Variants in MLIP observed in about 807,000 individuals in gnomAD.
MLIP encodes muscular LMNA interacting protein.
A neutral mutation model predicts 84.8 loss-of-function variants in MLIP; 79 were observed. That is an observed-to-expected ratio of 0.93 (90% CI 0.78 to 1.12). MLIP has a LOEUF of 1.12. Among genes scored for constraint, MLIP ranks in the 50% most tolerant of loss-of-function variants. MLIP has a pLI of 0.00. For missense variants in MLIP, 1,257 were observed against 1,160.6 expected (o/e 1.08, Z -1.21); for synonymous variants, 504 against 463.0 (o/e 1.09, Z -1.14).
At chr6:54,047,822 G>A (rs958809845) in intron 1 of MLIP, among the ~76,000 whole-genome samples, 2 of 152,176 alleles carry the variant, frequency 1.3e-5, no homozygotes, top group Non-Finnish European at 2.9e-5. Flanking sequence ...AATCCTTACA[G>A]CAATGGCCAT....
At chr6:54,178,003 A>G (rs1042101811) in intron 9 of MLIP, among the ~76,000 whole-genome samples, 1 of 152,072 alleles carries the variant, frequency 6.6e-6, no homozygotes, top group Non-Finnish European at 1.5e-5. Flanking sequence ...ATAAGAACAC[A>G]TAGACACGGG....
In MLIP at chr6:54,138,199, A is replaced by G. The variant is rs1771989175; in HGVS notation, c.2130A>G (p.Ser710=). Residue 710 remains serine (S), a synonymous_variant, in exon 4 of 14, where the codon TCA becomes TCG. Transcript: ENST00000502396. ...ACAGGTCACCTGTTTCAACCCCATC[A>G]CTTCCCATATCTCTAACAAGGACAG... is the stretch of plus-strand genomic sequence containing the variant. The part of the protein sequence containing the change: ...PNHRSPVSTP[S]LPISLTRTEE... 6.5e-7 allele frequency: 1 copy of G among 1,535,914 alleles called. No individual in the cohort carries two copies. The highest frequency in any genetic ancestry group is 8.7e-7 in the Non-Finnish European group (1 of 1,146,848).
chr6:54,110,909 A>C (rs924775691), upstream of MLIP, among the ~76,000 whole-genome samples: 2 of 152,244 alleles, frequency 1.3e-5, no homozygotes, highest in African/African-American at 4.8e-5. Flanking sequence ...TGTTAATAAC[A>C]TAACTTCAGT....
chr6:54,241,703 A>G (rs1383562476), intron 12 of MLIP, among the ~76,000 whole-genome samples: 1 of 152,084 alleles, frequency 6.6e-6, no homozygotes, highest in African/African-American at 2.4e-5. Context: ...CTTATAATAC[A>G]TTTTACCTTT....
chr6:54,027,374 TACACAC>T (rs70980886), intron 1 of MLIP, among the ~76,000 whole-genome samples: 2,345 of 148,580 alleles, frequency 0.016, 73 homozygotes, highest in African/African-American at 0.045. Flanking sequence ...ATAAAAAAAA[TACACAC>T]ACACACACAC....
At chr6:54,122,935 CTT>C (rs543020753) in intron 2 of MLIP, among the ~76,000 whole-genome samples, 11 of 144,990 alleles carry the variant, frequency 7.6e-5, no homozygotes, top group African/African-American at 7.5e-5. Flanking sequence ...CATTTATATT[CTT>C]TTTTTTTTTT....
chr6:54,239,809 A>G (rs1781613815), intron 12 of MLIP, among the ~76,000 whole-genome samples: 1 of 151,956 alleles, frequency 6.6e-6, no homozygotes, highest in South Asian at 2.1e-4. Flanking sequence ...AAAAAATAAA[A>G]TAAAATAAAA....
chr6:54,054,989 G>C (rs1003566186), intron 1 of MLIP, among the ~76,000 whole-genome samples: 1 of 151,758 alleles, frequency 6.6e-6, no homozygotes, highest in Non-Finnish European at 1.5e-5. Flanking sequence ...CTGGGTTCAC[G>C]CCATTCTCCT....
chr6:54,216,472 A>C, intron 11 of MLIP: 1 of 985,374 alleles, frequency 1.0e-6, no homozygotes, highest in South Asian at 4.7e-5. Context: ...TTTTCCCTTG[A>C]GTGTACCTCC....
At chr6:54,219,150 G>A (rs948813842) in intron 11 of MLIP, among the ~76,000 whole-genome samples, 2 of 151,676 alleles carry the variant, frequency 1.3e-5, no homozygotes, top group East Asian at 3.9e-4. Context: ...AGCTTGTAGT[G>A]AGCCGAGATC....
intron 8 of MLIP, among the ~76,000 whole-genome samples, chr6:54,168,895 AAG>A (rs1775482604): frequency 7.2e-6 from 1 of 139,058 alleles, no homozygotes; most frequent in African/African-American, 2.7e-5. Context: ...TGGTCACAGG[AAG>A]AGAGGAAGAT....
At chr6:54,206,704 A>C (rs1779055160) in intron 11 of MLIP, among the ~76,000 whole-genome samples, 1 of 152,094 alleles carries the variant, frequency 6.6e-6, no homozygotes, top group Non-Finnish European at 1.5e-5. Context: ...TTTGATGATT[A>C]TGTCAGTGAC....
At chr6:54,052,756 G>A (rs2150319099) in intron 1 of MLIP, among the ~76,000 whole-genome samples, 1 of 152,234 alleles carries the variant, frequency 6.6e-6, no homozygotes, top group South Asian at 2.1e-4. Context: ...ATAGAAATAT[G>A]AGAAAACATT....
Position 54,149,137 on chromosome 6 carries a change from G to C in MLIP, c.2289+10G>C. 1 of 1,606,912 alleles carries C rather than the reference G, an allele frequency of 6.2e-7. No homozygotes were observed. Among genetic ancestry groups the C allele is most frequent in the East Asian group, 2.2e-5 (1 of 44,728 alleles). On this transcript the variant is annotated intron_variant, in intron 5 of 13. Transcript: ENST00000502396. ...GCTTTTGGAACAGAAGGTCAGTGTT[G>C]GCTCAAAAACAGTGAATTTTACATT... is the stretch of plus-strand genomic sequence containing the variant.
intron 1 of MLIP, chr6:54,019,099 A>G (rs1409440772): frequency 9.3e-6 from 15 of 1,612,336 alleles, no homozygotes; most frequent in Non-Finnish European, 1.2e-5. Flanking sequence ...ACGGTAAGAC[A>G]TGAGATTTAG....
At chr6:54,170,614 A>G (rs891032079) in intron 9 of MLIP, among the ~76,000 whole-genome samples, 7 of 151,556 alleles carry the variant, frequency 4.6e-5, no homozygotes, top group Non-Finnish European at 8.9e-5. Context: ...TTGCTTTTAG[A>G]TAACTGTCTG....
At chr6:54,130,159 C>A (rs965242241) in intron 3 of MLIP, among the ~76,000 whole-genome samples, 4 of 152,054 alleles carry the variant, frequency 2.6e-5, no homozygotes, top group Non-Finnish European at 4.4e-5. Context: ...CTGGCAGAAT[C>A]CCTATAGTCC....
At chr6:54,265,914 A>G (rs747623936) in intron 13 of MLIP, 36 bp from the exon 14 acceptor site, 20 of 1,597,642 alleles carry the variant, frequency 1.3e-5, no homozygotes, top group African/African-American at 2.7e-5. Context: ...AAATTTATTC[A>G]TCTTAACCTG....
intron 8 of MLIP, among the ~76,000 whole-genome samples, chr6:54,168,517 T>C (rs1047090492): frequency 2.0e-5 from 3 of 151,898 alleles, no homozygotes; most frequent in South Asian, 2.1e-4. Flanking sequence ...ATTTCTTTTC[T>C]TCCAGAATGT....
Sources: gnomAD v4.1 joint callset for allele counts (sites outside exome capture counted in the v4.1 genomes callset) on GRCh38, gnomAD v4.1.1 for gene constraint, MANE v1.5 for transcripts, NCBI Gene and HGNC (gene_info 2026-07-23, HGNC 2026-07-21) for gene names.